The following AMN variants were observed in gnomAD, a reference collection of about 807,000 sequenced individuals.
AMN encodes the protein amnion associated transmembrane protein, also known as protein amnionless.
A neutral mutation model predicts 49.1 loss-of-function variants in AMN; 40 were observed. That is an observed-to-expected ratio of 0.81 (90% CI 0.63 to 1.06). AMN has a LOEUF of 1.06. Among genes scored for constraint, AMN ranks in the 50% least tolerant of loss-of-function variants. AMN has a pLI of 0.00. For synonymous variants in AMN, 380 were observed against 313.3 expected, an observed-to-expected ratio of 1.21 and a Z score of -2.25; for missense variants, 701 against 662.8, an observed-to-expected ratio of 1.06 and a Z score of -0.63.
rs943376257 is a variant in AMN at position 102,923,706 on chromosome 14, C to G, written c.44-5C>G. On this transcript the variant is annotated splice_polypyrimidine_tract_variant and splice_region_variant and intron_variant, in intron 1 of 11. Coordinates refer to ENST00000299155, the MANE Select transcript of AMN (RefSeq NM_030943.4). ...ATCCCGGGCACTCAGTCGCCTCCTC[C>G]CCAGCACTGACCCAGGCGGTCTCCA... The G allele has an allele frequency of 6.2e-7, 1 of 1,611,574 alleles. No individual in the cohort carries two copies. The highest frequency in any genetic ancestry group is 1.3e-5 in the African/African-American group (1 of 74,908).
chr14:102,930,264 TGCTGCTGGC>T lies in AMN; in HGVS notation c.1115_1123del (p.Ala372_Leu374del), dbSNP rs1428691401. 1 of 1,383,614 alleles carries T rather than the reference TGCTGCTGGC, an allele frequency of 7.2e-7. No homozygotes were observed. The highest frequency in any genetic ancestry group is 9.3e-7 in the Non-Finnish European group (1 of 1,071,670). The allele number at this position is 1,383,614 out of a possible 1,614,324, so 85.7% of individuals were successfully genotyped here. On this transcript the variant is annotated inframe_deletion, in exon 10 of 12. Coordinates refer to ENST00000299155, the MANE Select transcript of AMN (RefSeq NM_030943.4). ...CTGGCGGGCGGCGTGGCGGCTGCCG[TGCTGCTGGC>T]GCTGCTGGTCCTGCTGGTGGCGCCG...
At chr14:102,923,306 T>C (rs1291429618) in intron 1 of AMN, 4 of 311,928 alleles carry the variant, frequency 1.3e-5, no homozygotes, top group Non-Finnish European at 2.5e-5. Flanking sequence ...CCGGCCCAGG[T>C]AGGACTCCTC....
intron 2 of AMN, 48 bp from the exon 3 acceptor site, chr14:102,923,887 C>T (rs771222631): frequency 6.2e-7 from 1 of 1,612,942 alleles, no homozygotes; most frequent in Admixed American, 1.7e-5. Flanking sequence ...ACCGTGTGGC[C>T]CCGGTGGGGG....
At chr14:102,924,877 G>A (rs1891151813) in intron 3 of AMN, among the ~76,000 whole-genome samples, 1 of 151,886 alleles carries the variant, frequency 6.6e-6, no homozygotes, top group African/African-American at 2.4e-5. Context: ...GGTGGAGCAA[G>A]GAACGGTTTT....
At chr14:102,923,540 CCA>C (rs897030679) in intron 1 of AMN, 169 bp from the exon 2 acceptor site, 1 of 674,734 alleles carries the variant, frequency 1.5e-6, no homozygotes, top group Non-Finnish European at 2.6e-6. Flanking sequence ...GGCAGGGCGC[CCA>C]CAGTCTGGCC....
At chr14:102,922,776 G>T (rs779387275) in intron 1 of AMN, 45 bp downstream of exon 1, 4 of 1,555,884 alleles carry the variant, frequency 2.6e-6, no homozygotes, top group Non-Finnish European at 3.5e-6. Flanking sequence ...GTAGCGGTCT[G>T]TCAGGACCCA....
chr14:102,924,670 C>T (rs899721948), intron 3 of AMN, among the ~76,000 whole-genome samples: 1 of 152,212 alleles, frequency 6.6e-6, no homozygotes, highest in African/African-American at 2.4e-5. Context: ...AACTGCTTCA[C>T]ACAACACTCC....
chr14:102,930,666 G>A lies in AMN; in HGVS notation c.1348G>A (p.Glu450Lys). ...CGTCAACCCTCTGTTCGCCGGGGCC[G>A]AGGCCGAGGCCTGAGCGGCCGCCTG... ...YFVNPLFAGA[E>K]AEA Residue 450 changes from glutamate (E) to lysine (K), a missense_variant, in exon 12 of 12, where the codon GAG (glutamate) becomes AAG (lysine). Coordinates refer to ENST00000299155, the MANE Select transcript of AMN (RefSeq NM_030943.4). The A allele has an allele frequency of 6.3e-7, 1 of 1,591,538 alleles. No homozygotes were observed. Among genetic ancestry groups the A allele is most frequent in the Admixed American group, 1.7e-5 (1 of 57,394 alleles).
chr14:102,928,559 G>C (rs1891242733), intron 4 of AMN, 46 bp downstream of exon 4: 1 of 1,569,640 alleles, frequency 6.4e-7, no homozygotes, highest in African/African-American at 1.3e-5. Flanking sequence ...GCATGTTCAG[G>C]GGCGGGGACT....
chr14:102,926,960 C>T (rs1043229433), intron 3 of AMN, among the ~76,000 whole-genome samples: 13 of 152,178 alleles, frequency 8.5e-5, no homozygotes, highest in Non-Finnish European at 1.8e-4. Context: ...GGCGTGATCA[C>T]GGCTCACTGC....
Position 102,929,955 on chromosome 14 carries a change from C to T in AMN, c.875C>T (p.Ser292Phe), listed in dbSNP as rs1483085696. ...TACCACGGGCTGCAGGTGGCCGTGT[C>T]CAAGGTGCCACGCTCGTCCCGGCTC... Reference protein sequence around the residue: ...PQYHGLQVAVSKVPRSSRLRE... With the variant: ...PQYHGLQVAVFKVPRSSRLRE... The change falls in exon 9 of 12, where the codon TCC (serine) becomes TTC (phenylalanine). Residue 292 changes from serine (S) to phenylalanine (F), a missense_variant. Coordinates refer to ENST00000299155, the MANE Select transcript of AMN (RefSeq NM_030943.4). The T allele has an allele frequency of 6.4e-7, 1 of 1,564,024 alleles. No homozygotes were observed.
At chr14:102,923,905 C>T (rs1173118453) in intron 2 of AMN, 30 bp from the exon 3 acceptor site, 9 of 1,613,060 alleles carry the variant, frequency 5.6e-6, no homozygotes, top group Non-Finnish European at 7.6e-6. Flanking sequence ...GGGTTGCTCC[C>T]GGCTCGGCTG....
chr14:102,922,773 T>C, intron 1 of AMN, 42 bp downstream of exon 1: 3 of 1,558,390 alleles, frequency 1.9e-6, no homozygotes, highest in Non-Finnish European at 1.7e-6. Flanking sequence ...ACGGTAGCGG[T>C]CTGTCAGGAC....
At position 102,930,721 on chromosome 14, in the gene AMN, C is replaced by A. The variant is rs753937288; in HGVS notation, c.*41C>A. ...TCGACCTTGGGGCTCTCCACCCGCT[C>A]TGGCCCCAGTCGAACTGGGGGCTAG... On this transcript the variant is annotated 3_prime_UTR_variant, in exon 12 of 12. Coordinates refer to ENST00000299155, the MANE Select transcript of AMN (RefSeq NM_030943.4). The A allele has an allele frequency of 3.9e-6, 6 of 1,540,808 alleles. No individual in the cohort carries two copies. The South Asian group carries it at 7.1e-5, about 18-fold the overall frequency.
In AMN at chr14:102,928,921, G is replaced by C. The variant is rs1286684210; in HGVS notation, c.459G>C (p.Gly153=). The change falls in exon 5 of 12, where the codon GGG becomes GGC. Residue 153 remains glycine (G), a synonymous_variant. Transcript: ENST00000299155. ...CGCCTAGTGCCTCCTTCCGCGTGGG[G>C]CTCGGCCCTGGCGCTAGCCCCGTGC... ...FFPPSASFRV[G]LGPGASPVRV... is the part of the protein sequence containing the mutation. The C allele has an allele frequency of 5.6e-6, 9 of 1,601,774 alleles. No individual in the cohort carries two copies. Among genetic ancestry groups the C allele is most frequent in the African/African-American group, 1.3e-5 (1 of 75,030 alleles).
At chr14:102,925,978 C>T (rs944490884) in intron 3 of AMN, among the ~76,000 whole-genome samples, 1 of 152,292 alleles carries the variant, frequency 6.6e-6, no homozygotes, top group Admixed American at 6.5e-5. Flanking sequence ...GAGCGTCCCT[C>T]CCTGCGATTT....
chr14:102,926,277 G>A (rs561007910), intron 3 of AMN, among the ~76,000 whole-genome samples: 29 of 152,348 alleles, frequency 1.9e-4, no homozygotes, highest in African/African-American at 5.3e-4. Flanking sequence ...ACCAGCGAGG[G>A]CTCCTGCTGT....
rs1891286522 is a variant in AMN at position 102,929,685 on chromosome 14, C to T, written c.791C>T (p.Ala264Val). The T allele has an allele frequency of 9.0e-6, 14 of 1,550,700 alleles. No individual in the cohort carries two copies. The highest frequency in any genetic ancestry group is 1.2e-5 in the Non-Finnish European group (14 of 1,147,516). Residue 264 changes from alanine to valine, a missense_variant, in exon 8 of 12, where the codon GCA becomes GTA. Transcript: ENST00000299155. ...GAVVLLTHGPAFDLERYRARI... is the reference protein window; with the variant it reads ...GAVVLLTHGPVFDLERYRARI... ...GTTGTGTTGCTGACCCACGGCCCCG[C>T]ATTTGACCTGGAGCGGTACCGGGCG...
chr14:102,930,074 G>T lies in AMN; in HGVS notation c.994G>T (p.Val332Phe), dbSNP rs1457124503. 1 of 1,541,628 alleles carries T rather than the reference G, an allele frequency of 6.5e-7. No individual in the cohort carries two copies. The highest frequency in any genetic ancestry group is 2.0e-5 in the Admixed American group (1 of 50,774). ...GCTGGCCCGGGCCCTCCTGGCGGAC[G>T]TCGCCGAGAACGGTAACCGCGCCCG... ...GRLARALLAD[V>F]AENGEALGVL... The change falls in exon 9 of 12, where the codon GTC becomes TTC. Residue 332 changes from valine (V) to phenylalanine (F), a missense_variant. Val to Phe is a conservative substitution (Grantham distance 50, BLOSUM62 -1). Coordinates refer to ENST00000299155, the MANE Select transcript of AMN (RefSeq NM_030943.4).
Sources: gnomAD v4.1 joint callset for allele counts (sites outside exome capture counted in the v4.1 genomes callset) on GRCh38, gnomAD v4.1.1 for gene constraint, MANE v1.5 for transcripts, NCBI Gene and HGNC (gene_info 2026-07-23, HGNC 2026-07-21) for gene names.